BBC3: variants seen among roughly 807,000 people sequenced by gnomAD.
BBC3 encodes bcl-2-binding component 3.
A neutral mutation model predicts 18.2 loss-of-function variants in BBC3; 5 were observed. That is an observed-to-expected ratio of 0.27 (90% CI 0.14 to 0.58). The LOEUF (loss-of-function observed/expected upper bound fraction) is 0.58. BBC3 is among the 20% of genes least tolerant of loss of function. The probability of loss-of-function intolerance (pLI) is 0.91; values close to 1 mark genes in which losing one functional copy is unlikely to be tolerated. For missense variants in BBC3, 224 were observed against 268.9 expected (o/e 0.83, Z 1.17); for synonymous variants, 119 against 128.0 (o/e 0.93, Z 0.47).
At chr19:47,232,710 T>G, upstream of BBC3, 1 of 985,474 alleles carries the variant, frequency 1.0e-6, no homozygotes, top group Non-Finnish European at 1.5e-6. Context: ...AGCCGTGGAT[T>G]CCTGTCTCCT....
In BBC3 at chr19:47,221,435, T is replaced by G. The variant is rs2862236; in HGVS notation, c.*367A>C. ...GAGCACCGAGAGGAGAGCCCCCCCC[T>G]CCCAGTGTCACCCCTGCAGCTGGAA... On this transcript the variant is annotated 3_prime_UTR_variant, in exon 4 of 4. Transcript: ENST00000439096. The G allele has an allele frequency of 6.1e-4, 96 of 156,910 alleles. 11 individuals carry two copies. The highest frequency in any genetic ancestry group is 2.8e-3 in the South Asian group (22 of 7,914). The allele number at this position is 156,910 out of a possible 1,614,324, so 9.7% of individuals were successfully genotyped here.
Position 47,226,714 on chromosome 19 carries a change from C to T in BBC3, c.315G>A (p.Glu105=), listed in dbSNP as rs1167820037. Residue 105 remains glutamate (E), a synonymous_variant, in exon 3 of 4, where the codon GAG becomes GAA. Coordinates refer to ENST00000439096, the MANE Select transcript of BBC3 (RefSeq NM_014417.5). The stretch of plus-strand genomic sequence containing the variant: ...CCCCCGGGGCGCTGGGCACGGGCGA[C>T]TCCAGGTGCTGCTCCGCCAGCGAGA... ...PSLSLAEQHL[E]SPVPSAPGAL... 4.2e-6 allele frequency: 6 copies of T among 1,440,314 alleles called. No individual in the cohort carries two copies. The highest frequency in any genetic ancestry group is 5.5e-6 in the Non-Finnish European group (6 of 1,100,700). The allele number at this position is 1,440,314 out of a possible 1,614,324, so 89.2% of individuals were successfully genotyped here. A position where few individuals can be genotyped will look rare whatever the true frequency, so the allele number is the denominator to read the frequency against.
intron 1 of BBC3, among the ~76,000 whole-genome samples, chr19:47,229,276 C>G (rs2058879863): frequency 1.3e-5 from 2 of 151,588 alleles, no homozygotes; most frequent in Admixed American, 1.3e-4. Flanking sequence ...CACCTCTGGA[C>G]TCACATATCA....
Position 47,221,721 on chromosome 19 carries a change from C to A in BBC3, c.*81G>T, listed in dbSNP as rs1489988172. ...GTATGCTACATGGTGCAGAGAAAGTCCCCCGCGCTGGCCAGGGTGTCAGGA... is the reference window on the plus strand; with the variant it reads ...GTATGCTACATGGTGCAGAGAAAGTACCCCGCGCTGGCCAGGGTGTCAGGA... On this transcript the variant is annotated 3_prime_UTR_variant, in exon 4 of 4. Transcript: ENST00000439096. 1 of 1,596,178 alleles carries A rather than the reference C, an allele frequency of 6.3e-7. No homozygotes were observed. Among genetic ancestry groups the A allele is most frequent in the Admixed American group, 1.8e-5 (1 of 55,304 alleles).
At position 47,221,439 on chromosome 19, in the gene BBC3, A is replaced by AGG. The variant is rs2058750337; in HGVS notation, c.*362_*363insCC. The AGG allele has an allele frequency of 1.8e-5, 1 of 54,240 alleles. No homozygotes were observed. Among genetic ancestry groups the AGG allele is most frequent in the African/African-American group, 1.7e-4 (1 of 5,722 alleles). The allele number at this position is 54,240 out of a possible 1,614,324, so 3.4% of individuals were successfully genotyped here. A position where few individuals can be genotyped will look rare whatever the true frequency, so the allele number is the denominator to read the frequency against. ...ACCGAGAGGAGAGCCCCCCCCTCCCAGTGTCACCCCTGCAGCTGGAACGGG... is the reference window on the plus strand; with the variant it reads ...ACCGAGAGGAGAGCCCCCCCCTCCCAGGGTGTCACCCCTGCAGCTGGAACGGG... On this transcript the variant is annotated 3_prime_UTR_variant, in exon 4 of 4. Coordinates refer to ENST00000439096, the MANE Select transcript of BBC3 (RefSeq NM_014417.5).
intron 3 of BBC3, among the ~76,000 whole-genome samples, chr19:47,226,292 C>T (rs1306579125): frequency 6.6e-6 from 1 of 151,820 alleles, no homozygotes; most frequent in Admixed American, 6.6e-5. Flanking sequence ...CGGCCGCGGG[C>T]CACGGGCGCG....
chr19:47,227,830 C>T (rs1046196778), intron 2 of BBC3, among the ~76,000 whole-genome samples: 1 of 152,228 alleles, frequency 6.6e-6, no homozygotes, highest in African/African-American at 2.4e-5. Flanking sequence ...CTCCCTGCAA[C>T]AGGAATCCTC....
upstream of BBC3, chr19:47,232,704 G>A (rs1404496185): frequency 4.7e-6 from 5 of 1,061,546 alleles, no homozygotes; most frequent in South Asian, 1.6e-5. Flanking sequence ...TTCCAAAGCC[G>A]TGGATTCCTG....
At chr19:47,227,804 T>G (rs2058854729) in intron 2 of BBC3, among the ~76,000 whole-genome samples, 1 of 152,086 alleles carries the variant, frequency 6.6e-6, no homozygotes, top group Non-Finnish European at 1.5e-5. Flanking sequence ...TTGACAGTCC[T>G]CCCGCTCGGC....
At chr19:47,225,749 T>C (rs2058808121) in intron 3 of BBC3, among the ~76,000 whole-genome samples, 1 of 152,144 alleles carries the variant, frequency 6.6e-6, no homozygotes, top group African/African-American at 2.4e-5. Context: ...ACAAAAACTA[T>C]GTCATATACG....
rs1046827897 is a variant in BBC3 at position 47,226,627 on chromosome 19, G to A, written c.402C>T (p.Ala134=). ...PGVRGEEEQW[A]REIGAQLRRM... ...GCCGCAGCTGGGCCCCGATCTCCCG[G>A]GCCCACTGTTCCTCCTCCCCGCGGA... Residue 134 remains alanine, a synonymous_variant, in exon 3 of 4, where the codon GCC becomes GCT. Transcript: ENST00000439096. 2.5e-6 allele frequency: 4 copies of A among 1,569,084 alleles called. No individual in the cohort carries two copies. Among genetic ancestry groups the A allele is most frequent in the Non-Finnish European group, 3.4e-6 (4 of 1,160,262 alleles).
At chr19:47,226,494 C>T (rs2058824757) in intron 3 of BBC3, 70 bp downstream of exon 3, 8 of 1,352,710 alleles carry the variant, frequency 5.9e-6, no homozygotes, top group East Asian at 4.0e-5. Context: ...GCACATCTGG[C>T]GGGGGCCGCC....
chr19:47,229,431 C>T (rs369260538), intron 1 of BBC3, among the ~76,000 whole-genome samples: 20 of 151,956 alleles, frequency 1.3e-4, no homozygotes, highest in East Asian at 3.9e-4. Context: ...CCAACCCACC[C>T]TCCTCACGCA....
intron 3 of BBC3, 115 bp downstream of exon 3, chr19:47,226,449 G>A (rs557475400): frequency 1.2e-5 from 9 of 751,624 alleles, no homozygotes; most frequent in Non-Finnish European, 1.4e-5. Flanking sequence ...CTGCCTGTCC[G>A]CGGAGCGACC....
chr19:47,222,854 A>G (rs1490572771), intron 3 of BBC3, among the ~76,000 whole-genome samples: 3 of 151,384 alleles, frequency 2.0e-5, no homozygotes, highest in South Asian at 2.1e-4. Flanking sequence ...AATCCCAGCT[A>G]CTTGGGAAGG....
Position 47,230,893 on chromosome 19 carries a change from T to C in BBC3, c.-16+36A>G. 1 of 982,130 alleles carries C rather than the reference T, an allele frequency of 1.0e-6. No homozygotes were observed. The highest frequency in any genetic ancestry group is 4.7e-5 in the South Asian group (1 of 21,202). The allele number at this position is 982,130 out of a possible 1,614,324, so 60.8% of individuals were successfully genotyped here. On this transcript the variant is annotated intron_variant, in intron 1 of 3. Coordinates refer to ENST00000439096, the MANE Select transcript of BBC3 (RefSeq NM_014417.5). The surrounding 1 kb of genome is among the most constrained non-coding windows in gnomAD (Gnocchi z 6.7). ...CAGGGAGTCCACCCGGCCTGGCCGA[T>C]CGCCGCCGGAGAGGATTCGGGGCGC...
upstream of BBC3, among the ~76,000 whole-genome samples, chr19:47,231,819 CACAA>C (rs1275007209): frequency 3.3e-5 from 5 of 152,128 alleles, no homozygotes; most frequent in African/African-American, 4.8e-5. The surrounding 1 kb of genome is among the most constrained non-coding windows in gnomAD (Gnocchi z 4.0). Flanking sequence ...AAACTGTGTT[CACAA>C]ACAACCCTAC....
chr19:47,231,194 C>G lies in BBC3; in HGVS notation c.-281G>C. The G allele has an allele frequency of 1.0e-6, 1 of 982,938 alleles. No homozygotes were observed. Among genetic ancestry groups the G allele is most frequent in the East Asian group, 1.1e-4 (1 of 8,760 alleles). The allele number at this position is 982,938 out of a possible 1,614,324, so 60.9% of individuals were successfully genotyped here. A position where few individuals can be genotyped will look rare whatever the true frequency, so the allele number is the denominator to read the frequency against. ...GCCCGCTCGCATGTGGCTCGCGCCG[C>G]GTCTCAGGCCGCCCGGCGGATCCCG... is the stretch of plus-strand genomic sequence containing the variant. On this transcript the variant is annotated 5_prime_UTR_variant, in exon 1 of 4. Coordinates refer to ENST00000439096, the MANE Select transcript of BBC3 (RefSeq NM_014417.5). The surrounding 1 kb of genome is among the most constrained non-coding windows in gnomAD (Gnocchi z 4.0).
intron 3 of BBC3, among the ~76,000 whole-genome samples, chr19:47,225,324 A>G (rs1254426285): frequency 6.6e-6 from 1 of 152,098 alleles, no homozygotes; most frequent in African/African-American, 2.4e-5. Flanking sequence ...CTGGGATTAC[A>G]GGCGTGGGCC....
Sources: gnomAD v4.1 joint callset for allele counts (sites outside exome capture counted in the v4.1 genomes callset) on GRCh38, gnomAD v4.1.1 for gene constraint, Gnocchi (gnomAD v3.1) non-coding constraint, MANE v1.5 for transcripts, NCBI Gene and HGNC (gene_info 2026-07-23, HGNC 2026-07-21) for gene names.